PAK1: variants seen among roughly 807,000 people sequenced by gnomAD.
PAK1 encodes serine/threonine-protein kinase PAK 1.
PAK1 carries 29 observed loss-of-function variants against 67.4 expected under a neutral mutation model. That is an observed-to-expected ratio of 0.43 (90% CI 0.32 to 0.59). The LOEUF (loss-of-function observed/expected upper bound fraction) is 0.59. Ranked by LOEUF, PAK1 falls within the 20% of genes least tolerant of loss-of-function variation. PAK1 has a pLI of 0.07. For synonymous variants in PAK1, 223 were observed against 237.4 expected (o/e 0.94, Z 0.56); for missense variants, 337 against 670.7 (o/e 0.50, Z 5.50).
chr11:77,507,187 G>T, the PAK1 span, among the ~76,000 whole-genome samples: 2 of 152,180 alleles, frequency 1.3e-5, no homozygotes, highest in African/African-American at 4.8e-5. Context: ...GGGGACCCTA[G>T]CCTTTAAAAG....
intron 1 of PAK1, among the ~76,000 whole-genome samples, chr11:77,439,433 C>G (rs929749473): frequency 1.3e-5 from 2 of 152,116 alleles, no homozygotes; most frequent in African/African-American, 4.8e-5. Flanking sequence ...ACAGGGCTCA[C>G]CAACATGGAA....
intron 6 of PAK1, among the ~76,000 whole-genome samples, chr11:77,358,489 G>A (rs1946341689): frequency 6.6e-6 from 1 of 152,058 alleles, no homozygotes; most frequent in African/African-American, 2.4e-5. Context: ...TATCAATAAT[G>A]CTCTAAGAGG....
chr11:77,490,357 C>A, the PAK1 span, among the ~76,000 whole-genome samples: 1 of 145,678 alleles, frequency 6.9e-6, no homozygotes, highest in Non-Finnish European at 1.5e-5. Flanking sequence ...ACCCGGCCAG[C>A]CGCCCCGTCC....
intron 5 of PAK1, among the ~76,000 whole-genome samples, chr11:77,369,944 TTG>T (rs1948195395): frequency 6.6e-6 from 1 of 152,192 alleles, no homozygotes; most frequent in Non-Finnish European, 1.5e-5. Context: ...CTCTTTAATG[TTG>T]TGTTTCTCTC....
chr11:77,355,583 C>T, intron 7 of PAK1, 85 bp downstream of exon 7: 4 of 1,133,464 alleles, frequency 3.5e-6, no homozygotes, highest in African/African-American at 1.5e-5. Flanking sequence ...CAGCCAGCTG[C>T]ATGGACCAAG....
At chr11:77,451,219 C>T (rs191779172) in intron 1 of PAK1, among the ~76,000 whole-genome samples, 83 of 152,026 alleles carry the variant, frequency 5.5e-4, no homozygotes, top group Non-Finnish European at 7.6e-4. Flanking sequence ...AAACAGCAGA[C>T]GCAAGAAAGT....
At chr11:77,386,426 A>T (rs1445480461) in intron 2 of PAK1, among the ~76,000 whole-genome samples, 1 of 152,242 alleles carries the variant, frequency 6.6e-6, no homozygotes, top group African/African-American at 2.4e-5. Context: ...AAATGCTGAA[A>T]GACTTCTTAG....
At chr11:77,366,462 G>C (rs906873771) in intron 5 of PAK1, among the ~76,000 whole-genome samples, 1 of 152,148 alleles carries the variant, frequency 6.6e-6, no homozygotes, top group African/African-American at 2.4e-5. Flanking sequence ...TCATGTATAT[G>C]AAAGAATGGC....
intron 1 of PAK1, among the ~76,000 whole-genome samples, chr11:77,449,198 AG>A (rs1956746723): frequency 6.6e-6 from 1 of 152,228 alleles, no homozygotes; most frequent in South Asian, 2.1e-4. Context: ...GGTTTGAGGA[AG>A]GTGCTTCCAC....
intron 1 of PAK1, among the ~76,000 whole-genome samples, chr11:77,447,754 G>A (rs1312981550): frequency 6.6e-6 from 1 of 152,092 alleles, no homozygotes; most frequent in Non-Finnish European, 1.5e-5. Context: ...TCAAACTCCT[G>A]ATCTCAGGTG....
chr11:77,396,565 T>C (rs1401930001), intron 1 of PAK1, among the ~76,000 whole-genome samples: 1 of 152,168 alleles, frequency 6.6e-6, no homozygotes, highest in Non-Finnish European at 1.5e-5. Context: ...AACGAATGAA[T>C]AAACAAAGAA....
At chr11:77,411,850 G>GT (rs2138049703) in intron 1 of PAK1, 1 of 152,432 alleles carries the variant, frequency 6.6e-6, no homozygotes, top group Admixed American at 6.5e-5. Context: ...GCCCAACCGG[G>GT]TACCCACAAG....
chr11:77,466,084 T>C (rs1020137349), intron 1 of PAK1, among the ~76,000 whole-genome samples: 4 of 152,292 alleles, frequency 2.6e-5, no homozygotes, highest in East Asian at 3.9e-4. Flanking sequence ...CTGTAGCCCA[T>C]TGGGAACTAT....
intron 1 of PAK1, among the ~76,000 whole-genome samples, chr11:77,462,014 T>C (rs934750463): frequency 1.8e-4 from 28 of 152,204 alleles, no homozygotes; most frequent in Admixed American, 2.0e-4. Context: ...AAGTAGCTGC[T>C]GATCAGCTTT....
intron 1 of PAK1, among the ~76,000 whole-genome samples, chr11:77,395,062 T>C (rs865973718): frequency 2.0e-5 from 3 of 152,222 alleles, no homozygotes; most frequent in Admixed American, 6.5e-5. Flanking sequence ...TATGCTTTTG[T>C]GCATGCTGAT....
chr11:77,327,912 T>G (rs904229109), intron 14 of PAK1, among the ~76,000 whole-genome samples: 1 of 152,064 alleles, frequency 6.6e-6, no homozygotes, highest in African/African-American at 2.4e-5. Flanking sequence ...GAGACACACA[T>G]AGGCTCAAAA....
rs182392766 is a variant in PAK1 at position 77,388,773 on chromosome 11, G to A, written c.190+3558C>T. On this transcript the variant is annotated intron_variant, in intron 2 of 14. Coordinates refer to ENST00000356341, the MANE Select transcript of PAK1 (RefSeq NM_002576.5). ...ACCCAAATCAGACAGCCAATTTATG[G>A]AAGAACCAATACTATAATCCCAATA... Among the ~76,000 whole-genome samples the A allele has an allele frequency of 6.6e-5, 10 of 152,278 alleles. No individual in the cohort carries two copies. In the East Asian group the frequency reaches 1.2e-3, roughly 18 times the overall value.
intron 9 of PAK1, among the ~76,000 whole-genome samples, chr11:77,347,371 A>G (rs1227230508): frequency 2.0e-5 from 3 of 152,170 alleles, no homozygotes; most frequent in Non-Finnish European, 4.4e-5. Flanking sequence ...GGAGTCAAAG[A>G]TTCTAATCCA....
chr11:77,448,711 C>G (rs923644878), intron 1 of PAK1, among the ~76,000 whole-genome samples: 1 of 152,122 alleles, frequency 6.6e-6, no homozygotes, highest in Non-Finnish European at 1.5e-5. Flanking sequence ...AGTGTGAAAA[C>G]TTACAAAGAA....
Sources: gnomAD v4.1 joint callset for allele counts (sites outside exome capture counted in the v4.1 genomes callset) on GRCh38, gnomAD v4.1.1 for gene constraint, MANE v1.5 for transcripts, NCBI Gene and HGNC (gene_info 2026-07-23, HGNC 2026-07-21) for gene names.